Variants in TRPM3 observed in about 807,000 individuals in gnomAD.
TRPM3 encodes the protein long transient receptor potential channel 3.
Under a neutral mutation model 181.2 loss-of-function variants are expected in TRPM3, and 77 were observed. The observed-to-expected ratio is 0.42, with a 90% CI of 0.35 to 0.51. The LOEUF (loss-of-function observed/expected upper bound fraction) is 0.51, where lower values mean the gene tolerates loss of function less well. Ranked by LOEUF, TRPM3 falls within the 20% of genes least tolerant of loss-of-function variation. The probability of loss-of-function intolerance (pLI) is 0.01; values close to 1 mark genes in which losing one functional copy is unlikely to be tolerated. For synonymous variants in TRPM3, 745 were observed against 796.4 expected, an observed-to-expected ratio of 0.94 and a Z score of 1.09; for missense variants, 1,759 against 2,196.7, an observed-to-expected ratio of 0.80 and a Z score of 3.98.
chr9:71,343,831 C>T (rs2091119676), intron 1 of TRPM3, among the ~76,000 whole-genome samples: 1 of 151,854 alleles, frequency 6.6e-6, no homozygotes, highest in African/African-American at 2.4e-5. Context: ...TAAGATGAGC[C>T]TGGGTCATCT....
intron 22 of TRPM3, among the ~76,000 whole-genome samples, chr9:70,555,536 A>G (rs1053202128): frequency 2.6e-5 from 4 of 152,208 alleles, no homozygotes; most frequent in Admixed American, 2.0e-4. Context: ...TTGGACACTA[A>G]TAGACATTTC....
chr9:71,032,041 TATA>T (rs1353138694), intron 1 of TRPM3, among the ~76,000 whole-genome samples: 44,073 of 52,500 alleles, frequency 0.84, 18,400 homozygotes, highest in Middle Eastern at 0.93. Context: ...TAAATATATA[TATA>T]TATATTATAT....
At chr9:71,316,410 G>A (rs150341771) in intron 1 of TRPM3, among the ~76,000 whole-genome samples, 19 of 152,310 alleles carry the variant, frequency 1.2e-4, no homozygotes, top group East Asian at 1.2e-3. Context: ...CTTGGAACAT[G>A]TGAATATGTT....
intron 1 of TRPM3, among the ~76,000 whole-genome samples, chr9:71,194,318 A>G (rs1016136450): frequency 7.9e-5 from 12 of 152,088 alleles, no homozygotes; most frequent in South Asian, 4.1e-4. Context: ...GACCAAGACT[A>G]TGTGTTTCAT....
chr9:71,037,046 C>T (rs1229252870), intron 1 of TRPM3, among the ~76,000 whole-genome samples: 1 of 152,126 alleles, frequency 6.6e-6, no homozygotes, highest in East Asian at 1.9e-4. Context: ...TGACCAAGAA[C>T]AGTGGCAACA....
At chr9:71,344,432 T>C (rs10781014) in intron 1 of TRPM3, among the ~76,000 whole-genome samples, 150,319 of 151,852 alleles carry the variant, frequency 0.99, 74,427 homozygotes, top group East Asian at 1. Flanking sequence ...GCCTGGGAGA[T>C]AGAGTGAGAC....
intron 6 of TRPM3, among the ~76,000 whole-genome samples, chr9:70,821,580 A>T (rs1305965572): frequency 6.6e-6 from 1 of 152,218 alleles, no homozygotes; most frequent in Non-Finnish European, 1.5e-5. Flanking sequence ...AGTAAAATAA[A>T]TATTAAAAAT....
intron 5 of TRPM3, among the ~76,000 whole-genome samples, chr9:70,834,859 C>A (rs893561871): frequency 6.6e-6 from 1 of 152,154 alleles, no homozygotes; most frequent in East Asian, 1.9e-4. Flanking sequence ...ACTGTGAGAT[C>A]ATCAATATTT....
chr9:71,097,152 A>G (rs1415340446), intron 1 of TRPM3, among the ~76,000 whole-genome samples: 2 of 152,144 alleles, frequency 1.3e-5, no homozygotes, highest in African/African-American at 4.8e-5. Flanking sequence ...TCCTTTTTAT[A>G]AAAATGCTCT....
chr9:71,078,606 G>A (rs1281676397), intron 1 of TRPM3, among the ~76,000 whole-genome samples: 1 of 152,150 alleles, frequency 6.6e-6, no homozygotes, highest in South Asian at 2.1e-4. Flanking sequence ...TTTTAAAGTA[G>A]TGAGTCTTGT....
rs147128936 is a variant in TRPM3, at chr9:70,929,821, A to G, written c.178-65310T>C. 1.6e-3 allele frequency among the ~76,000 whole-genome samples: 237 copies of G among 152,312 alleles called. 1 individual carries two copies. The highest frequency in any genetic ancestry group is 5.5e-3 in the African/African-American group (229 of 41,572). On this transcript the variant is annotated intron_variant, in intron 1 of 25. Coordinates refer to ENST00000677713, the MANE Select transcript of TRPM3 (RefSeq NM_001366145.2). ...TTTACTTTTTTAGAGCACTTTTGCT[A>G]TCCTCCTCCTTACCCCTGCCTCTAT...
intron 1 of TRPM3, among the ~76,000 whole-genome samples, chr9:71,183,156 A>G: frequency 6.6e-6 from 1 of 152,280 alleles, no homozygotes; most frequent in Non-Finnish European, 1.5e-5. Flanking sequence ...CCACCACTTA[A>G]GTAAGACTTA....
chr9:71,295,470 C>A (rs1216175691), intron 1 of TRPM3, among the ~76,000 whole-genome samples: 3 of 140,268 alleles, frequency 2.1e-5, no homozygotes, highest in African/African-American at 7.8e-5. Flanking sequence ...TTTTGGCTTC[C>A]TTTTTTTTTT....
At chr9:71,093,388 G>GA (rs552367935) in intron 1 of TRPM3, among the ~76,000 whole-genome samples, 12 of 148,528 alleles carry the variant, frequency 8.1e-5, no homozygotes, top group South Asian at 4.2e-4. Flanking sequence ...AAATTTACAA[G>GA]AAAAAAAAAC....
At chr9:70,861,984 G>A (rs1019251581) in intron 3 of TRPM3, among the ~76,000 whole-genome samples, 2 of 151,908 alleles carry the variant, frequency 1.3e-5, no homozygotes, top group South Asian at 2.1e-4. Context: ...GGAAGGGAGA[G>A]GTAAGAAAAG....
At chr9:71,366,121 C>A (rs2092327501) in intron 1 of TRPM3, among the ~76,000 whole-genome samples, 2 of 152,072 alleles carry the variant, frequency 1.3e-5, no homozygotes, top group South Asian at 4.1e-4. Flanking sequence ...ATGGTAATTG[C>A]TTAGCACATA....
Position 70,536,833 on chromosome 9 carries a change from T to C in TRPM3, c.4280A>G (p.Asp1427Gly). Residue 1427 changes from aspartate to glycine, a missense_variant, in exon 26 of 26, where the codon GAC becomes GGC. Physicochemically the swap from Asp to Gly is moderately conservative, Grantham distance 94. Coordinates refer to ENST00000677713, the MANE Select transcript of TRPM3 (RefSeq NM_001366145.2). ...SAMDELHCDIDPLDNSVNILG... is the reference protein window; with the variant it reads ...SAMDELHCDIGPLDNSVNILG... ...GATGTTCACGGAATTGTCCAGAGGG[T>C]CTATATCACAGTGGAGCTCATCCAT... The C allele has an allele frequency of 6.2e-7, 1 of 1,614,044 alleles. No individual in the cohort carries two copies. The highest frequency in any genetic ancestry group is 8.5e-7 in the Non-Finnish European group (1 of 1,180,012).
At chr9:71,053,092 G>GAAAAAA (rs36015552) in intron 1 of TRPM3, among the ~76,000 whole-genome samples, 25 of 62,456 alleles carry the variant, frequency 4.0e-4, no homozygotes, top group South Asian at 9.8e-4. Context: ...CCATCCTAAG[G>GAAAAAA]AAAAAAAAAA....
rs1200645463 is a variant in TRPM3, at chr9:71,417,907, C to CA, written c.183+28745dup. ...CTTATTTGTCATGTTCTGTCACTCG[C>CA]AAAACACCTGATGGAAATAAATTTT... On this transcript the variant is annotated intron_variant, in intron 1 of 24. Coordinates refer to the TRPM3 transcript ENST00000357533. 3.3e-5 allele frequency among the ~76,000 whole-genome samples: 5 copies of CA among 151,834 alleles called. No individual in the cohort carries two copies. In the East Asian group the frequency reaches 5.8e-4, roughly 18 times the overall value.
Sources: gnomAD v4.1 joint callset for allele counts (sites outside exome capture counted in the v4.1 genomes callset) on GRCh38, gnomAD v4.1.1 for gene constraint, MANE v1.5 for transcripts, NCBI Gene and HGNC (gene_info 2026-07-23, HGNC 2026-07-21) for gene names.